The following RSL24D1 variants were observed in gnomAD, a reference collection of about 807,000 sequenced individuals.
RSL24D1 encodes the protein ribosomal L24 domain containing 1.
Under a neutral mutation model 26.2 loss-of-function variants are expected in RSL24D1, and 6 were observed. The observed-to-expected ratio is 0.23, with a 90% CI of 0.13 to 0.45. The LOEUF (loss-of-function observed/expected upper bound fraction) is 0.45, where lower values mean the gene tolerates loss of function less well. Ranked by LOEUF, RSL24D1 falls within the 20% of genes least tolerant of loss-of-function variation. RSL24D1 has a pLI of 0.99. For synonymous variants in RSL24D1, 61 were observed against 59.1 expected, an observed-to-expected ratio of 1.03 and a Z score of -0.15; for missense variants, 176 against 202.6, an observed-to-expected ratio of 0.87 and a Z score of 0.80.
chr15:55,195,865 T>C (rs1194425529), intron 1 of RSL24D1, among the ~76,000 whole-genome samples: 3 of 152,214 alleles, frequency 2.0e-5, no homozygotes, highest in Admixed American at 6.5e-5. Context: ...CTTGTAATTA[T>C]TTAGCACGTC....
At chr15:55,185,477 TCAA>T in intron 3 of RSL24D1, 52 bp from the exon 4 acceptor site, 1 of 1,226,844 alleles carries the variant, frequency 8.2e-7, no homozygotes, top group Non-Finnish European at 1.2e-6. Flanking sequence ...AGCGGTATGA[TCAA>T]CAACTGCATT....
rs139024218 is a variant in RSL24D1, at chr15:55,183,338, T to C, written c.395A>G (p.His132Arg). The C allele has an allele frequency of 2.9e-4, 467 of 1,611,598 alleles. 1 individual carries two copies. The highest frequency in any genetic ancestry group is 3.8e-4 in the Non-Finnish European group (447 of 1,179,576). ...QDIKEVKQNI[H>R]LIRAPLAGKG... ...ACCTGCAAGAGGGGCTCGGATAAGA[T>C]GGATGTTTTGCTTGACTTCTTTGAT... Residue 132 changes from histidine (H) to arginine (R), a missense_variant, in exon 5 of 6, where the codon CAT becomes CGT. This residue lies in a region of RSL24D1 where 43 missense variants were observed against 38.7 expected (regional missense o/e 1.11). Transcript: ENST00000260443.
intron 2 of RSL24D1, 59 bp from the exon 3 acceptor site, chr15:55,191,106 T>G (rs1251679572): frequency 8.2e-7 from 1 of 1,220,274 alleles, no homozygotes; most frequent in South Asian, 1.3e-5. Context: ...AAAGGAAACA[T>G]TTCTTAAAAC....
rs1414954906 is a variant in RSL24D1 at position 55,181,554 on chromosome 15, CA to C, written c.*597del. 1 of 152,478 alleles carries C rather than the reference CA, an allele frequency of 6.6e-6. No homozygotes were observed. Among genetic ancestry groups the C allele is most frequent in the African/African-American group, 2.4e-5 (1 of 41,424 alleles). The allele number at this position is 152,478 out of a possible 1,614,324, so 9.4% of individuals were successfully genotyped here. A position where few individuals can be genotyped will look rare whatever the true frequency, so the allele number is the denominator to read the frequency against. ...GAAATTCTAGAGTGTAGTGTCACTC[CA>C]GGCAAAGATTATTCAGTTCTCATCC... is the stretch of plus-strand genomic sequence containing the variant. On this transcript the variant is annotated 3_prime_UTR_variant, in exon 6 of 6. Coordinates refer to ENST00000260443, the MANE Select transcript of RSL24D1 (RefSeq NM_016304.3).
chr15:55,187,935 A>T (rs1435821766), intron 3 of RSL24D1, among the ~76,000 whole-genome samples: 2 of 151,304 alleles, frequency 1.3e-5, no homozygotes, highest in Admixed American at 1.3e-4. Flanking sequence ...AAGTTAAAAT[A>T]AAAAATAAAA....
At chr15:55,196,728 G>A (rs1894363133) in intron 1 of RSL24D1, 82 bp downstream of exon 1, 15 of 1,351,056 alleles carry the variant, frequency 1.1e-5, no homozygotes, top group Non-Finnish European at 1.5e-5. Flanking sequence ...CACGGCAGAC[G>A]CAGAAGCACC....
rs569444971 is a variant in RSL24D1 at position 55,190,879 on chromosome 15, A to C, written c.268+96T>G. ...TAAAAGCCAAGGAATGATAAATGGAAAATTCAATATTTAAACAACAAACTG... is the reference window on the plus strand; with the variant it reads ...TAAAAGCCAAGGAATGATAAATGGACAATTCAATATTTAAACAACAAACTG... On this transcript the variant is annotated intron_variant, in intron 3 of 5. Transcript: ENST00000260443. 57 of 786,754 alleles carry C rather than the reference A, an allele frequency of 7.2e-5. No individual in the cohort carries two copies. The Admixed American group carries it at 8.9e-4, about 12-fold the overall frequency. The allele number at this position is 786,754 out of a possible 1,614,324, so 48.7% of individuals were successfully genotyped here.
rs1278750340 is a variant in RSL24D1 at position 55,181,968 on chromosome 15, T to C, written c.*184A>G. ...ACTTAAGTACATCTATCAGTAAAGA[T>C]TTAACACTGAGATGCAATCTAACAT... On this transcript the variant is annotated 3_prime_UTR_variant, in exon 6 of 6. Coordinates refer to ENST00000260443, the MANE Select transcript of RSL24D1 (RefSeq NM_016304.3). The C allele has an allele frequency of 1.9e-6, 1 of 528,292 alleles. No homozygotes were observed. The highest frequency in any genetic ancestry group is 3.4e-6 in the Non-Finnish European group (1 of 295,176). 32.7% of individuals were successfully genotyped at this position (528,292 alleles called of 1,614,324 possible).
At chr15:55,190,919 A>G in intron 3 of RSL24D1, 56 bp downstream of exon 3, 2 of 1,099,292 alleles carry the variant, frequency 1.8e-6, no homozygotes, top group Admixed American at 2.0e-5. Flanking sequence ...TTAAAGTTAT[A>G]GTATTATCCC....
At chr15:55,196,509 A>C in intron 1 of RSL24D1, 1 of 584,200 alleles carries the variant, frequency 1.7e-6, no homozygotes, top group South Asian at 1.7e-5. Flanking sequence ...ATGAGTGGCC[A>C]AACAGCCCTC....
Position 55,192,830 on chromosome 15 carries a change from A to T in RSL24D1, c.85T>A (p.Phe29Ile), listed in dbSNP as rs17856255. 6.2e-7 allele frequency: 1 copy of T among 1,604,918 alleles called. No homozygotes were observed. Among genetic ancestry groups the T allele is most frequent in the Non-Finnish European group, 8.5e-7 (1 of 1,172,238 alleles). ...TGACATTTAGATTTGCAAAATCTGA[A>T]CACCTACAAGAAAAGTTAAAATATT... ...MMFVRNDCKV[F>I]RFCKSKCHKN... is the part of the protein sequence containing the mutation. The change falls in exon 2 of 6, where the codon TTC (phenylalanine) becomes ATC (isoleucine). Residue 29 changes from phenylalanine (F) to isoleucine (I), a missense_variant. Coordinates refer to ENST00000260443, the MANE Select transcript of RSL24D1 (RefSeq NM_016304.3).
At chr15:55,193,692 T>C (rs894511674) in intron 1 of RSL24D1, among the ~76,000 whole-genome samples, 3 of 152,200 alleles carry the variant, frequency 2.0e-5, no homozygotes, top group Non-Finnish European at 4.4e-5. Flanking sequence ...CTTTTATATA[T>C]GTTGCCCTAA....
rs901978798 is a variant in RSL24D1, at chr15:55,181,027, T to C, written c.*1125A>G. 2 of 151,998 alleles carry C rather than the reference T, an allele frequency of 1.3e-5. No homozygotes were observed. Among genetic ancestry groups the C allele is most frequent in the African/African-American group, 2.4e-5 (1 of 41,392 alleles). The allele number at this position is 151,998 out of a possible 1,614,324, so 9.4% of individuals were successfully genotyped here. ...CAGCCTTAGTTTTACTATCTAATAC[T>C]GAAACAAAAAATGAGCCATTACTTT... On this transcript the variant is annotated 3_prime_UTR_variant, in exon 6 of 6. Coordinates refer to ENST00000260443, the MANE Select transcript of RSL24D1 (RefSeq NM_016304.3).
intron 4 of RSL24D1, among the ~76,000 whole-genome samples, chr15:55,184,041 A>G (rs564156415): frequency 6.6e-6 from 1 of 152,336 alleles, no homozygotes; most frequent in South Asian, 2.1e-4. Context: ...AAATCACATG[A>G]TATTCAATAG....
At chr15:55,183,066 T>C (rs10518803) in intron 5 of RSL24D1, among the ~76,000 whole-genome samples, 7,912 of 152,170 alleles carry the variant, frequency 0.052, 370 homozygotes, top group African/African-American at 0.13. Context: ...ATCTACAAAA[T>C]TATTACGCAA....
At chr15:55,196,620 G>A (rs2140600260) in intron 1 of RSL24D1, 190 bp downstream of exon 1, 2 of 612,834 alleles carry the variant, frequency 3.3e-6, no homozygotes, top group Admixed American at 2.9e-5. Context: ...GCGCCGCTCG[G>A]AAGACGGGCA....
chr15:55,187,056 G>T (rs761708859), intron 3 of RSL24D1, among the ~76,000 whole-genome samples: 1 of 152,168 alleles, frequency 6.6e-6, no homozygotes, highest in Non-Finnish European at 1.5e-5. Context: ...CCTGGGACCA[G>T]TAACAGTGGC....
In RSL24D1 at chr15:55,182,755, T is replaced by A. The variant is rs1288414789; in HGVS notation, c.419-530A>T. Among the ~76,000 whole-genome samples, 4 of 152,234 alleles carry A rather than the reference T, an allele frequency of 2.6e-5. No homozygotes were observed. The South Asian group carries it at 6.2e-4, about 24-fold the overall frequency. On this transcript the variant is annotated intron_variant, in intron 5 of 5. Coordinates refer to ENST00000260443, the MANE Select transcript of RSL24D1 (RefSeq NM_016304.3). ...AATAATACAAGTAGATCTACACAAATGTACTCAATATGTGATTACAGAATT... is the reference window on the plus strand; with the variant it reads ...AATAATACAAGTAGATCTACACAAAAGTACTCAATATGTGATTACAGAATT...
intron 3 of RSL24D1, 74 bp from the exon 4 acceptor site, chr15:55,185,499 C>T (rs1427707924): frequency 6.1e-6 from 6 of 976,582 alleles, no homozygotes; most frequent in African/African-American, 1.7e-5. Context: ...TTAACAAACA[C>T]TTCTTTATTA....
Sources: gnomAD v4.1 joint callset for allele counts (sites outside exome capture counted in the v4.1 genomes callset) on GRCh38, gnomAD v4.1.1 for gene constraint, gnomAD v4.1.1 regional missense constraint, MANE v1.5 for transcripts, NCBI Gene and HGNC (gene_info 2026-07-23, HGNC 2026-07-21) for gene names.